PLEKHA4: variants seen among roughly 807,000 people sequenced by gnomAD.
The protein encoded by PLEKHA4 is pleckstrin homology domain containing A4.
A neutral mutation model predicts 94.7 loss-of-function variants in PLEKHA4; 73 were observed. That is an observed-to-expected ratio of 0.77 (90% confidence interval 0.64 to 0.94). The LOEUF (loss-of-function observed/expected upper bound fraction) is 0.94. Ranked by LOEUF, PLEKHA4 falls within the 40% of genes least tolerant of loss-of-function variation. PLEKHA4 has a pLI of 0.00. For synonymous variants in PLEKHA4, 449 were observed against 437.1 expected (o/e 1.03, Z -0.34); for missense variants, 1,049 against 1,054.1 (o/e 1.00, Z 0.07).
chr19:48,848,822 A>C (rs1475779498), intron 13 of PLEKHA4, among the ~76,000 whole-genome samples: 1 of 151,976 alleles, frequency 6.6e-6, no homozygotes, highest in Admixed American at 6.6e-5. Context: ...AAAAAGAAAA[A>C]ACTGTCTTTT....
Position 48,859,095 on chromosome 19 carries a change from G to C in PLEKHA4, c.737C>G (p.Pro246Arg). The C allele has an allele frequency of 6.7e-7, 1 of 1,494,966 alleles. No homozygotes were observed. Among genetic ancestry groups the C allele is most frequent in the Non-Finnish European group, 8.9e-7 (1 of 1,121,460 alleles). 92.6% of individuals were successfully genotyped at this position (1,494,966 alleles called of 1,614,324 possible). A position where few individuals can be genotyped will look rare whatever the true frequency, so the allele number is the denominator to read the frequency against. ...CCGCGCAGGGGCAGAACGGGGACGG[G>C]GGAGGCTCAGAGGCGAGGGAGGGCG... Reference protein sequence around the residue: ...LSRPPSPLSLPRPRSAPARRP... With the variant: ...LSRPPSPLSLRRPRSAPARRP... The change falls in exon 8 of 20, where the codon CCC becomes CGC. Residue 246 changes from proline (P) to arginine (R), a missense_variant. Coordinates refer to ENST00000263265, the MANE Select transcript of PLEKHA4 (RefSeq NM_020904.3).
At chr19:48,847,520 C>A (rs1007197072) in intron 14 of PLEKHA4, among the ~76,000 whole-genome samples, 8 of 152,030 alleles carry the variant, frequency 5.3e-5, no homozygotes, top group Non-Finnish European at 1.2e-4. Flanking sequence ...TTACTCAAGG[C>A]CAGGAGTACA....
chr19:48,850,957 T>C (rs2036162027), intron 13 of PLEKHA4, among the ~76,000 whole-genome samples: 1 of 151,620 alleles, frequency 6.6e-6, no homozygotes, highest in African/African-American at 2.4e-5. Flanking sequence ...CTGACCAACA[T>C]GGTGAAACCC....
chr19:48,843,445 C>T (rs1440364213), intron 16 of PLEKHA4, among the ~76,000 whole-genome samples: 3 of 151,826 alleles, frequency 2.0e-5, no homozygotes, highest in African/African-American at 7.3e-5. Flanking sequence ...TCCCAAAGTG[C>T]TGGGATTACA....
chr19:48,850,482 G>T (rs757595991), intron 13 of PLEKHA4, among the ~76,000 whole-genome samples: 1 of 151,172 alleles, frequency 6.6e-6, no homozygotes, highest in African/African-American at 2.4e-5. Flanking sequence ...CCAGCCTGGC[G>T]ACAGAGCAAG....
At chr19:48,862,941 A>C (rs1304429797) in intron 3 of PLEKHA4, among the ~76,000 whole-genome samples, 15 of 152,220 alleles carry the variant, frequency 9.9e-5, no homozygotes, top group Non-Finnish European at 1.8e-4. Flanking sequence ...ACATATGGGC[A>C]GACTTTAGCT....
At chr19:48,855,539 G>A (rs12461455) in intron 9 of PLEKHA4, among the ~76,000 whole-genome samples, 26,836 of 151,834 alleles carry the variant, frequency 0.18, 3,400 homozygotes, top group African/African-American at 0.36. Flanking sequence ...GGGAGGCAGA[G>A]GTTGCAGCGA....
chr19:48,865,479 T>C, intron 3 of PLEKHA4, 24 bp downstream of exon 3: 2 of 1,582,466 alleles, frequency 1.3e-6, no homozygotes, highest in Non-Finnish European at 1.7e-6. Context: ...TTCAGTGTCC[T>C]TTTCCTTCTC....
chr19:48,847,157 C>T (rs1268731251), intron 14 of PLEKHA4, among the ~76,000 whole-genome samples: 5 of 152,196 alleles, frequency 3.3e-5, no homozygotes, highest in African/African-American at 7.2e-5. Context: ...GGGCTGGGTG[C>T]GGTGCCTCAC....
In PLEKHA4 at chr19:48,861,488, C is replaced by T. The variant is rs2036637868; in HGVS notation, c.279G>A (p.Glu93=). The T allele has an allele frequency of 1.2e-6, 2 of 1,614,098 alleles. No homozygotes were observed. The highest frequency in any genetic ancestry group is 1.7e-6 in the Non-Finnish European group (2 of 1,180,012). ...GGAGCAGGACGCTGCCTAGGACACTCTCCTCGCGGCTGTCTGCAAAGAGGG... is the reference window on the plus strand; with the variant it reads ...GGAGCAGGACGCTGCCTAGGACACTTTCCTCGCGGCTGTCTGCAAAGAGGG... The part of the protein sequence containing the change: ...CLFYYKDSRE[E]SVLGSVLLPS... Residue 93 remains glutamate (E), a synonymous_variant, in exon 5 of 20, where the codon GAG becomes GAA. Transcript: ENST00000263265.
chr19:48,842,262 G>T (rs1035851760), intron 16 of PLEKHA4, among the ~76,000 whole-genome samples: 3 of 151,322 alleles, frequency 2.0e-5, no homozygotes, highest in African/African-American at 7.3e-5. Context: ...CTCTGCCTCG[G>T]CCTCTCAAGT....
At chr19:48,865,990 G>A (rs988972759) in intron 2 of PLEKHA4, among the ~76,000 whole-genome samples, 5 of 151,480 alleles carry the variant, frequency 3.3e-5, no homozygotes, top group East Asian at 1.9e-4. Flanking sequence ...CTCCAGCCCG[G>A]GAGACAGAGT....
chr19:48,859,174 C>A, intron 7 of PLEKHA4, 35 bp from the exon 8 acceptor site: 1 of 1,461,498 alleles, frequency 6.8e-7, no homozygotes, highest in African/African-American at 1.4e-5. Flanking sequence ...ACTGAGTCAA[C>A]TAGAGCCCTC....
chr19:48,845,285 A>G (rs34740957), intron 16 of PLEKHA4, 85 bp downstream of exon 16: 135,240 of 1,315,684 alleles, frequency 0.1, 8,710 homozygotes, highest in African/African-American at 0.24. Flanking sequence ...ATGGCCTTAG[A>G]ACGCTCTACT....
Position 48,860,342 on chromosome 19 carries a change from C to T in PLEKHA4, c.476+8G>A, listed in dbSNP as rs766751097. The T allele has an allele frequency of 1.2e-6, 2 of 1,610,368 alleles. No homozygotes were observed. Among genetic ancestry groups the T allele is most frequent in the South Asian group, 2.2e-5 (2 of 91,014 alleles). On this transcript the variant is annotated splice_region_variant and intron_variant, in intron 6 of 19. Transcript: ENST00000263265. ...AGGGTCAGGAGCATGGCTTGGACCT[C>T]TACTCACTAGTCGTCCCCCTCCGCA...
chr19:48,863,938 AAC>A (rs1367548372), intron 3 of PLEKHA4, among the ~76,000 whole-genome samples: 2 of 152,158 alleles, frequency 1.3e-5, no homozygotes, highest in Admixed American at 1.3e-4. Flanking sequence ...GGTGTGTTAA[AAC>A]ACAGATTCTG....
At position 48,837,574 on chromosome 19, in the gene PLEKHA4, G is replaced by A. The variant is rs762695848; in HGVS notation, c.2078-23C>T. 3.3e-5 allele frequency: 53 copies of A among 1,612,570 alleles called. 2 individuals are homozygous for A. In the Middle Eastern group the frequency reaches 5.4e-3, roughly 165 times the overall value. On this transcript the variant is annotated intron_variant, in intron 19 of 19. Coordinates refer to ENST00000263265, the MANE Select transcript of PLEKHA4 (RefSeq NM_020904.3). The surrounding 1 kb of genome is among the most constrained non-coding windows in gnomAD (Gnocchi z 4.3). ...CACCTGGAGAGGATGAGTGGGACAT[G>A]AGAATGGCAAACCTCAGCGCTAGGA...
At chr19:48,839,505 TC>T (rs1461907418) in intron 17 of PLEKHA4, among the ~76,000 whole-genome samples, 1 of 152,092 alleles carries the variant, frequency 6.6e-6, no homozygotes, top group African/African-American at 2.4e-5. Flanking sequence ...AGTCTCGACT[TC>T]CCAGGCTTGG....
chr19:48,862,204 CT>C (rs747491446), intron 3 of PLEKHA4, among the ~76,000 whole-genome samples: 304 of 135,476 alleles, frequency 2.2e-3, no homozygotes, highest in Middle Eastern at 0.012. Context: ...TTTTCTCTCT[CT>C]TTTTTTTTTT....
Sources: allele counts gnomAD v4.1 joint callset (sites outside exome capture counted in the v4.1 genomes callset), GRCh38; gene constraint gnomAD v4.1.1; non-coding constraint Gnocchi (gnomAD v3.1); transcripts MANE v1.5; gene names NCBI Gene and HGNC (gene_info 2026-07-23, HGNC 2026-07-21).